The following COLEC10 variants were observed in gnomAD, a reference collection of about 807,000 sequenced individuals.
The protein encoded by COLEC10 is collectin subfamily member 10, also known as collectin-10.
Under a neutral mutation model 28.4 loss-of-function variants are expected in COLEC10, and 22 were observed. The observed-to-expected ratio is 0.78, with a 90% confidence interval of 0.55 to 1.11. COLEC10 has a LOEUF of 1.11. Among genes scored for constraint, COLEC10 ranks in the 50% least tolerant of loss-of-function variants. The pLI is 0.00. For missense variants in COLEC10, 361 were observed against 344.1 expected (o/e 1.05, Z -0.39); for synonymous variants, 125 against 116.1 (o/e 1.08, Z -0.49).
the COLEC10 span, among the ~76,000 whole-genome samples, chr8:118,980,266 C>T: frequency 6.7e-6 from 1 of 149,668 alleles, no homozygotes; most frequent in Non-Finnish European, 1.5e-5. Flanking sequence ...ACGGGGCCAT[C>T]TCAGCTCACT....
intron 2 of COLEC10, among the ~76,000 whole-genome samples, chr8:119,015,757 C>T (rs1813979915): frequency 6.6e-6 from 1 of 152,152 alleles, no homozygotes; most frequent in South Asian, 2.1e-4. Context: ...GTAGTTTGTC[C>T]TGTACCTGAG....
intron 1 of COLEC10, among the ~76,000 whole-genome samples, chr8:119,006,191 T>G (rs1373593081): frequency 6.6e-6 from 1 of 152,044 alleles, no homozygotes; most frequent in African/African-American, 2.4e-5. Flanking sequence ...GGAGGGAATG[T>G]TGTGATGAAT....
chr8:118,987,761 A>G, the COLEC10 span, among the ~76,000 whole-genome samples: 38 of 152,312 alleles, frequency 2.5e-4, no homozygotes, highest in African/African-American at 8.7e-4. Flanking sequence ...TTTGTTACCC[A>G]TAATCCTATC....
the COLEC10 span, among the ~76,000 whole-genome samples, chr8:118,988,346 C>G: frequency 6.6e-6 from 1 of 152,100 alleles, no homozygotes; most frequent in Admixed American, 6.6e-5. Context: ...CTCTCTCTAA[C>G]AAAGACGTAG....
chr8:118,985,628 C>T, the COLEC10 span, among the ~76,000 whole-genome samples: 1 of 152,106 alleles, frequency 6.6e-6, no homozygotes, highest in South Asian at 2.1e-4. Context: ...CTCCTTCTCC[C>T]TCTCTTGGTC....
the COLEC10 span, among the ~76,000 whole-genome samples, chr8:118,957,968 CT>C: frequency 6.6e-6 from 1 of 152,122 alleles, no homozygotes; most frequent in Non-Finnish European, 1.5e-5. Flanking sequence ...GTAGCTCAAC[CT>C]GAAGAATGTA....
rs958329905 is a variant in COLEC10, at chr8:119,071,312, C to A, written c.148+3883C>A. Among the ~76,000 whole-genome samples, 3 of 152,152 alleles carry A rather than the reference C, an allele frequency of 2.0e-5. No homozygotes were observed. The East Asian group carries it at 5.8e-4, about 29-fold the overall frequency. ...GATGTTTGCTAGCTTTTTAGTAGGG[C>A]CTTTTCAATGACATTTTTGTGTGTG... On this transcript the variant is annotated intron_variant, in intron 1 of 5. Coordinates refer to ENST00000332843, the MANE Select transcript of COLEC10 (RefSeq NM_006438.5).
the COLEC10 span, among the ~76,000 whole-genome samples, chr8:118,964,579 A>G: frequency 1.9e-3 from 285 of 152,316 alleles, no homozygotes; most frequent in African/African-American, 6.5e-3. Flanking sequence ...AACTTTCTGT[A>G]GGGCACTGAA....
chr8:119,047,574 G>C (rs1814607662), intron 2 of COLEC10, among the ~76,000 whole-genome samples: 1 of 152,154 alleles, frequency 6.6e-6, no homozygotes, highest in African/African-American at 2.4e-5. Flanking sequence ...ATACAATTTA[G>C]ACTTTTCACT....
chr8:119,082,635 T>G (rs1393853638), intron 1 of COLEC10, among the ~76,000 whole-genome samples: 2 of 152,152 alleles, frequency 1.3e-5, no homozygotes, highest in African/African-American at 4.8e-5. Context: ...AGAGGACTCC[T>G]TGGGAGAGGA....
chr8:119,070,776 A>T (rs1338020910), intron 1 of COLEC10, among the ~76,000 whole-genome samples: 2 of 152,120 alleles, frequency 1.3e-5, no homozygotes, highest in Non-Finnish European at 2.9e-5. Context: ...AAAGCAAAAG[A>T]GAGACAAGTT....
chr8:119,053,666 T>C (rs1814713638), intron 2 of COLEC10, among the ~76,000 whole-genome samples: 1 of 130,102 alleles, frequency 7.7e-6, no homozygotes, highest in African/African-American at 3.3e-5. Flanking sequence ...CTCAGGATTG[T>C]AGGCAATTAA....
chr8:118,954,162 T>C, the COLEC10 span, among the ~76,000 whole-genome samples: 5 of 152,158 alleles, frequency 3.3e-5, no homozygotes, highest in Admixed American at 1.3e-4. Flanking sequence ...GGAGCGATGG[T>C]GGTAATTTGG....
At chr8:118,986,548 T>C in the COLEC10 span, among the ~76,000 whole-genome samples, 1 of 152,048 alleles carries the variant, frequency 6.6e-6, no homozygotes, top group African/African-American at 2.4e-5. Context: ...GGAAAATAAA[T>C]AGATTATAAA....
At chr8:118,958,019 T>C in the COLEC10 span, among the ~76,000 whole-genome samples, 7 of 152,104 alleles carry the variant, frequency 4.6e-5, no homozygotes. Flanking sequence ...TATTTTGAAA[T>C]AAATTACAGA....
intron 2 of COLEC10, among the ~76,000 whole-genome samples, chr8:119,054,509 T>G (rs1814730866): frequency 6.6e-6 from 1 of 152,006 alleles, no homozygotes; most frequent in Admixed American, 6.6e-5. Context: ...AGAGATGCCG[T>G]GGGGCTGGGA....
intron 2 of COLEC10, among the ~76,000 whole-genome samples, chr8:119,028,203 AAATG>A (rs66706449): frequency 0.044 from 6,676 of 152,236 alleles, 212 homozygotes; most frequent in East Asian, 0.16. Flanking sequence ...CTGGCATATT[AAATG>A]AATAACTGCT....
At chr8:119,024,137 G>A (rs1814146678) in intron 2 of COLEC10, among the ~76,000 whole-genome samples, 1 of 152,036 alleles carries the variant, frequency 6.6e-6, no homozygotes, top group South Asian at 2.1e-4. Context: ...CACTCCTCTG[G>A]TTGGGTAGGA....
chr8:118,995,620 A>G (rs1351635252), intron 1 of COLEC10: 2 of 152,102 alleles, frequency 1.3e-5, no homozygotes, highest in Admixed American at 1.3e-4. Flanking sequence ...TGCATGAAAC[A>G]ATTTGTTTTC....
Sources: gnomAD v4.1 joint callset for allele counts (sites outside exome capture counted in the v4.1 genomes callset) on GRCh38, gnomAD v4.1.1 for gene constraint, MANE v1.5 for transcripts, NCBI Gene and HGNC (gene_info 2026-07-23, HGNC 2026-07-21) for gene names.